The following ZFY variants were observed in gnomAD, a reference collection of about 807,000 sequenced individuals.
ZFY encodes zinc finger Y-chromosomal protein.
For synonymous variants in ZFY, 47 were observed against 55.8 expected (o/e 0.84, Z 0.71); for missense variants, 113 against 170.9 (o/e 0.66, Z 1.89).
intron 1 of ZFY, among the ~76,000 whole-genome samples, chrY:2,949,782 C>G (rs2051272860): frequency 3.7e-5 from 1 of 27,032 alleles, no homozygotes; most frequent in Non-Finnish European, 8.5e-5. Flanking sequence ...CGTGGGAGGT[C>G]GAGGCGGTAG....
rs2051401833 is a variant in ZFY at position 2,982,259 on chromosome Y, TAAA to T, written c.*2270_*2272del. On this transcript the variant is annotated 3_prime_UTR_variant, in exon 8 of 8. Transcript: ENST00000155093. The stretch of plus-strand genomic sequence containing the variant: ...TAATTCTTAATTTGATTAGCAAAGC[TAAA>T]AAAGTGGATGTTGAAGTTGAAAGTT... 2.1e-4 allele frequency: 7 copies of T among 33,578 alleles called. No individual in the cohort carries two copies. Among genetic ancestry groups the T allele is most frequent in the African/African-American group, 8.0e-4 (7 of 8,696 alleles). 8.4% of individuals were successfully genotyped at this position (33,578 alleles called of 400,897 possible). A position where few individuals can be genotyped will look rare whatever the true frequency, so the allele number is the denominator to read the frequency against.
At position 2,982,450 on chromosome Y, in the gene ZFY, G is replaced by T. The variant is rs2051402405; in HGVS notation, c.*2457G>T. ...GATACTATTGTAAATGTGTATTTGA[G>T]AATATGCAAAAATAAAAATAATATT... On this transcript the variant is annotated 3_prime_UTR_variant, in exon 8 of 8. Coordinates refer to ENST00000155093, the MANE Select transcript of ZFY (RefSeq NM_003411.4). The T allele has an allele frequency of 3.0e-5, 1 of 33,517 alleles. No homozygotes were observed. The highest frequency in any genetic ancestry group is 2.7e-4 in the Admixed American group (1 of 3,639). 8.4% of individuals were successfully genotyped at this position (33,517 alleles called of 400,897 possible).
At chrY:2,950,746 GT>G (rs2051276157) in intron 1 of ZFY, among the ~76,000 whole-genome samples, 1 of 33,680 alleles carries the variant, frequency 3.0e-5, no homozygotes, top group Non-Finnish European at 7.4e-5. Flanking sequence ...ATAGGCTCAA[GT>G]ACATAGTAGG....
At chrY:2,965,405 T>C (rs2051324416) in intron 3 of ZFY, among the ~76,000 whole-genome samples, 1 of 31,997 alleles carries the variant, frequency 3.1e-5, no homozygotes, top group Non-Finnish European at 7.6e-5. Context: ...TATACCCACC[T>C]TGGCCTCCCA....
Position 2,979,799 on chromosome Y carries a change from A to G in ZFY, c.2212A>G (p.Ser738Gly). Residue 738 changes from serine (S) to glycine (G), a missense_variant, in exon 8 of 8, where the codon AGT becomes GGT. Transcript: ENST00000155093. ...GCTTAAAAAGCATATGAAGACACAC[A>G]GTGGCAGGAAAGTATATCAGTGTGA... ...NELKKHMKTH[S>G]GRKVYQCEYC... 1 of 399,518 alleles carries G rather than the reference A, an allele frequency of 2.5e-6. No homozygotes were observed. The highest frequency in any genetic ancestry group is 3.5e-6 in the Non-Finnish European group (1 of 283,842).
chrY:2,972,852 G>T, intron 3 of ZFY, among the ~76,000 whole-genome samples: 3 of 33,196 alleles, frequency 9.0e-5, no homozygotes, highest in Non-Finnish European at 2.2e-4. Context: ...TGTGACCTTA[G>T]ATAAATCATT....
At chrY:2,944,435 A>G (rs2051255740) in intron 1 of ZFY, among the ~76,000 whole-genome samples, 2 of 31,565 alleles carry the variant, frequency 6.3e-5, no homozygotes, top group African/African-American at 1.2e-4. Context: ...TAATTTATTA[A>G]TGTGCTTAAT....
At chrY:2,952,889 A>G (rs759296031) in intron 1 of ZFY, among the ~76,000 whole-genome samples, 1 of 32,725 alleles carries the variant, frequency 3.1e-5, no homozygotes, top group East Asian at 8.1e-4. Flanking sequence ...GAGGGCTTTT[A>G]AGCTACACAG....
chrY:2,980,927 A>G lies in ZFY; in HGVS notation c.*934A>G. The G allele has an allele frequency of 3.0e-5, 1 of 33,831 alleles. No homozygotes were observed. Among genetic ancestry groups the G allele is most frequent in the Middle Eastern group, 0.013 (1 of 75 alleles). The allele number at this position is 33,831 out of a possible 400,897, so 8.4% of individuals were successfully genotyped here. The stretch of plus-strand genomic sequence containing the variant: ...TTTTGTAACTTGTTATTCAGTTACT[A>G]AATTTGAGGTGAATAATTAAAAAGA... On this transcript the variant is annotated 3_prime_UTR_variant, in exon 8 of 8. Transcript: ENST00000155093.
chrY:2,953,298 C>G, intron 1 of ZFY, among the ~76,000 whole-genome samples: 1 of 25,532 alleles, frequency 3.9e-5, no homozygotes, highest in African/African-American at 1.6e-4. Flanking sequence ...GTGCCACTTA[C>G]AGTTTAGCCT....
intron 2 of ZFY, among the ~76,000 whole-genome samples, chrY:2,956,604 G>C (rs758748335): frequency 3.1e-5 from 1 of 32,224 alleles, no homozygotes; most frequent in Admixed American, 2.8e-4. Flanking sequence ...AGTGATGCCG[G>C]TGATGGGAAG....
intron 3 of ZFY, among the ~76,000 whole-genome samples, chrY:2,962,739 A>G (rs775179814): frequency 2.0e-3 from 67 of 33,382 alleles, no homozygotes; most frequent in Middle Eastern, 0.014. Context: ...CTGATTTAAT[A>G]AACATTTATT....
Position 2,935,564 on chromosome Y carries a change from G to A in ZFY, c.-234G>A. On this transcript the variant is annotated 5_prime_UTR_variant, in exon 1 of 8. Transcript: ENST00000155093. The stretch of plus-strand genomic sequence containing the variant: ...CGCTAGGCCGGCCGGCGTGGCGCTC[G>A]GCGCCGAACAGGCCCCGAGGAGGCC... The A allele has an allele frequency of 2.8e-5, 1 of 35,369 alleles. No homozygotes were observed. Among genetic ancestry groups the A allele is most frequent in the Non-Finnish European group, 7.2e-5 (1 of 13,931 alleles). The allele number at this position is 35,369 out of a possible 400,897, so 8.8% of individuals were successfully genotyped here.
At position 2,979,071 on chromosome Y, in the gene ZFY, A is replaced by T. The variant is rs756518203; in HGVS notation, c.1484A>T (p.His495Leu). 1 of 397,194 alleles carries T rather than the reference A, an allele frequency of 2.5e-6. No individual in the cohort carries two copies. ...GATGAGTGTGGGAAGCATTTTTCTCATGCAGGGGCTTTGTTTACTCACAAA... is the reference window on the plus strand; with the variant it reads ...GATGAGTGTGGGAAGCATTTTTCTCTTGCAGGGGCTTTGTTTACTCACAAA... The part of the protein sequence containing the change: ...ECDECGKHFS[H>L]AGALFTHKMV... The change falls in exon 8 of 8, where the codon CAT becomes CTT. Residue 495 changes from histidine to leucine, a missense_variant. Coordinates refer to ENST00000155093, the MANE Select transcript of ZFY (RefSeq NM_003411.4).
intron 1 of ZFY, among the ~76,000 whole-genome samples, chrY:2,940,627 C>G (rs952488268): frequency 9.0e-5 from 3 of 33,413 alleles, no homozygotes; most frequent in Admixed American, 2.7e-4. Context: ...TTTCCCCAGA[C>G]TGGTTTCCTT....
chrY:2,961,644 C>T lies in ZFY; in HGVS notation c.632C>T (p.Ser211Leu). The T allele has an allele frequency of 2.5e-6, 1 of 393,008 alleles. No homozygotes were observed. Among genetic ancestry groups the T allele is most frequent in the African/African-American group, 6.4e-5 (1 of 15,521 alleles). ...KASCEDYLMI[S>L]LDDAGKIEHD... ...AGCTGTGAGGACTACCTAATGATTT[C>T]GTGTAAGTCATGGGGTACAGTGATT... Residue 211 changes from serine (S) to leucine (L), a missense_variant and splice_region_variant, in exon 3 of 8, where the codon TCG (serine) becomes TTG (leucine). Ser to Leu is a moderately radical substitution (Grantham distance 145). Coordinates refer to ENST00000155093, the MANE Select transcript of ZFY (RefSeq NM_003411.4).
intron 3 of ZFY, among the ~76,000 whole-genome samples, chrY:2,967,188 G>A: frequency 3.0e-5 from 1 of 33,844 alleles, no homozygotes; most frequent in Non-Finnish European, 7.3e-5. Flanking sequence ...ACTGATGAAT[G>A]CCATAGCATG....
chrY:2,956,728 G>C, intron 2 of ZFY, among the ~76,000 whole-genome samples: 1 of 19,275 alleles, frequency 5.2e-5, no homozygotes, highest in Non-Finnish European at 1.0e-4. Flanking sequence ...TTCTGATTTT[G>C]TCATGTTTTG....
intron 3 of ZFY, among the ~76,000 whole-genome samples, chrY:2,969,668 T>C (rs1603311810): frequency 3.0e-5 from 1 of 33,202 alleles, no homozygotes; most frequent in East Asian, 7.7e-4. Context: ...GATGATGCTA[T>C]CTACATCATG....
Sources: allele counts gnomAD v4.1 joint callset (sites outside exome capture counted in the v4.1 genomes callset), GRCh38; gene constraint gnomAD v4.1.1; transcripts MANE v1.5; gene names NCBI Gene and HGNC (gene_info 2026-07-23, HGNC 2026-07-21).